TPTE2: variants seen among roughly 807,000 people sequenced by gnomAD.
The protein encoded by TPTE2 is transmembrane phosphoinositide 3-phosphatase and tensin homolog 2, also known as phosphatidylinositol 3,4,5-trisphosphate 3-phosphatase TPTE2.
Under a neutral mutation model 78.6 loss-of-function variants are expected in TPTE2, and 53 were observed. The ratio of observed to expected loss-of-function variants is 0.67; its 90% CI spans 0.54 to 0.85. The LOEUF (loss-of-function observed/expected upper bound fraction) is 0.85. Among genes scored for constraint, TPTE2 ranks in the 40% least tolerant of loss-of-function variants. The probability of loss-of-function intolerance (pLI) is 0.00; values close to 1 mark genes in which losing one functional copy is unlikely to be tolerated. For synonymous variants in TPTE2, 175 were observed against 206.2 expected (o/e 0.85, Z 1.30); for missense variants, 461 against 623.0 (o/e 0.74, Z 2.77).
chr13:19,435,988 C>A (rs1877054539), intron 15 of TPTE2, among the ~76,000 whole-genome samples: 1 of 152,070 alleles, frequency 6.6e-6, no homozygotes, highest in South Asian at 2.1e-4. Context: ...GCTCCATAAA[C>A]AATAACCAGT....
chr13:19,433,987 G>A (rs553020209), intron 15 of TPTE2, among the ~76,000 whole-genome samples: 9 of 152,342 alleles, frequency 5.9e-5, no homozygotes, highest in Admixed American at 2.0e-4. Flanking sequence ...CCTAAGGGCT[G>A]TAAACCACCA....
chr13:19,553,970 A>G, the TPTE2 span, among the ~76,000 whole-genome samples: 1 of 152,346 alleles, frequency 6.6e-6, no homozygotes, highest in Middle Eastern at 3.4e-3. Context: ...AAGAAAATGA[A>G]TAACAATATC....
Position 19,467,351 on chromosome 13 carries a change from TATAA to T in TPTE2, c.393-11_393-8del, listed in dbSNP as rs2137571668. 1 of 1,224,434 alleles carries T rather than the reference TATAA, an allele frequency of 8.2e-7. No individual in the cohort carries two copies. Among genetic ancestry groups the T allele is most frequent in the South Asian group, 2.2e-5 (1 of 45,908 alleles). 75.8% of individuals were successfully genotyped at this position (1,224,434 alleles called of 1,614,324 possible). A position where few individuals can be genotyped will look rare whatever the true frequency, so the allele number is the denominator to read the frequency against. ...AGAAAAATACTGCTGTCTCCTGTAA[TATAA>T]AAAAAAAAAAAAAAAAGTTCATTTC... On this transcript the variant is annotated splice_region_variant and splice_polypyrimidine_tract_variant and intron_variant, in intron 6 of 19. Transcript: ENST00000400230.
At chr13:19,493,918 A>G (rs2137643589) in intron 1 of TPTE2, among the ~76,000 whole-genome samples, 1 of 152,320 alleles carries the variant, frequency 6.6e-6, no homozygotes, top group East Asian at 1.9e-4. Flanking sequence ...AAAAAGGGTC[A>G]GGTAACTAGA....
intron 3 of TPTE2, among the ~76,000 whole-genome samples, chr13:19,485,339 T>C (rs1880602546): frequency 1.3e-5 from 2 of 152,242 alleles, no homozygotes; most frequent in South Asian, 4.1e-4. Context: ...TATTCTCAGC[T>C]GAAAGTTTTT....
the TPTE2 span, among the ~76,000 whole-genome samples, chr13:19,559,728 T>C: frequency 7.1e-6 from 1 of 141,776 alleles, no homozygotes; most frequent in African/African-American, 2.5e-5. Context: ...ACACATCCCC[T>C]GCAGCCCCCT....
intron 13 of TPTE2, among the ~76,000 whole-genome samples, chr13:19,446,136 A>G (rs771729142): frequency 3.3e-5 from 5 of 152,244 alleles, no homozygotes; most frequent in Non-Finnish European, 7.3e-5. Flanking sequence ...ACAACTCAAT[A>G]TCTCAAAGTT....
At chr13:19,431,647 G>C (rs1876612786) in intron 16 of TPTE2, among the ~76,000 whole-genome samples, 1 of 151,152 alleles carries the variant, frequency 6.6e-6, no homozygotes, top group African/African-American at 2.4e-5. Context: ...ACAGTTTCTT[G>C]CCTCAGTTCC....
chr13:19,508,870 T>C (rs1351730899), intron 1 of TPTE2, among the ~76,000 whole-genome samples: 1 of 151,908 alleles, frequency 6.6e-6, no homozygotes, highest in Non-Finnish European at 1.5e-5. Flanking sequence ...GCAAAAGACC[T>C]ATGAGGGCAC....
At chr13:19,477,323 G>A (rs1880027218) in intron 4 of TPTE2, among the ~76,000 whole-genome samples, 1 of 150,934 alleles carries the variant, frequency 6.6e-6, no homozygotes, top group African/African-American at 2.4e-5. Flanking sequence ...CCTGACACAA[G>A]TTTACCTACA....
chr13:19,452,242 A>G (rs914575354), intron 10 of TPTE2, among the ~76,000 whole-genome samples: 1 of 152,154 alleles, frequency 6.6e-6, no homozygotes, highest in African/African-American at 2.4e-5. Flanking sequence ...GAAATCACAT[A>G]TAAAAACTAT....
chr13:19,478,982 G>C (rs981455926), intron 4 of TPTE2, among the ~76,000 whole-genome samples: 2 of 152,024 alleles, frequency 1.3e-5, no homozygotes, highest in African/African-American at 4.8e-5. Context: ...ACAAAGGAAG[G>C]GGAACATCAC....
At chr13:19,541,062 C>T (rs1871423935), upstream of TPTE2, among the ~76,000 whole-genome samples, 1 of 152,178 alleles carries the variant, frequency 6.6e-6, no homozygotes, top group Admixed American at 6.5e-5. Context: ...CTTCTAAGCT[C>T]AGGTGGTTGT....
rs576878527 is a variant in TPTE2, at chr13:19,426,520, A to G, written c.1303-3T>C. ...TCTGTTTCAATGTCATGCAATATCTATGAATGAACACATGGAATTGAGAAC... is the reference window on the plus strand; with the variant it reads ...TCTGTTTCAATGTCATGCAATATCTGTGAATGAACACATGGAATTGAGAAC... On this transcript the variant is annotated splice_polypyrimidine_tract_variant and splice_region_variant and intron_variant, in intron 17 of 19. Coordinates refer to ENST00000400230, the Ensembl canonical transcript of TPTE2. The G allele has an allele frequency of 3.6e-5, 54 of 1,506,690 alleles. No individual in the cohort carries two copies. The highest frequency in any genetic ancestry group is 6.8e-5 in the East Asian group (3 of 44,298). 93.3% of individuals were successfully genotyped at this position (1,506,690 alleles called of 1,614,324 possible). A position where few individuals can be genotyped will look rare whatever the true frequency, so the allele number is the denominator to read the frequency against.
chr13:19,439,515 A>G (rs1425156927), intron 13 of TPTE2, among the ~76,000 whole-genome samples: 4 of 152,200 alleles, frequency 2.6e-5, no homozygotes, highest in African/African-American at 7.2e-5. Context: ...TAGCATCTCC[A>G]GATAAGAAGG....
chr13:19,422,974 T>A, exon 20 of TPTE2: 1 of 1,524,938 alleles, frequency 6.6e-7, no homozygotes, highest in African/African-American at 1.4e-5. Context: ...CATGAACATG[T>A]GGCAGGGGTT....
chr13:19,561,419 C>G, the TPTE2 span: 1,091 of 440,472 alleles, frequency 2.5e-3, 17 homozygotes, highest in African/African-American at 0.02. Context: ...GCCCCGCCCC[C>G]CAACCTAAGC....
intron 10 of TPTE2, among the ~76,000 whole-genome samples, chr13:19,456,670 T>C (rs1479985349): frequency 6.6e-6 from 1 of 152,166 alleles, no homozygotes; most frequent in Non-Finnish European, 1.5e-5. Flanking sequence ...TAGAGAGATG[T>C]ATTATGTTCA....
At chr13:19,561,492 AC>A in the TPTE2 span, among the ~76,000 whole-genome samples, 38 of 151,970 alleles carry the variant, frequency 2.5e-4, no homozygotes, top group African/African-American at 6.5e-4. Context: ...CCCGCGGGAG[AC>A]CGCTACCAGG....
Sources: gnomAD v4.1 joint callset for allele counts (sites outside exome capture counted in the v4.1 genomes callset) on GRCh38, gnomAD v4.1.1 for gene constraint, MANE v1.5 for transcripts, NCBI Gene and HGNC (gene_info 2026-07-23, HGNC 2026-07-21) for gene names.